The following DISP1 variants were observed in gnomAD, a reference collection of about 807,000 sequenced individuals.
DISP1 encodes dispatched RND transporter family member 1.
DISP1 carries 30 observed loss-of-function variants against 37.3 expected under a neutral mutation model. The ratio of observed to expected loss-of-function variants is 0.80; its 90% CI spans 0.60 to 1.09. The LOEUF (loss-of-function observed/expected upper bound fraction) is 1.09. Ranked by LOEUF, DISP1 falls within the 50% of genes least tolerant of loss-of-function variation. The pLI is 0.00. For missense variants in DISP1, 1,598 were observed against 1,879.5 expected (o/e 0.85, Z 2.77); for synonymous variants, 634 against 690.2 (o/e 0.92, Z 1.28).
At chr1:222,889,874 A>T (rs1285752315) in intron 1 of DISP1, among the ~76,000 whole-genome samples, 1 of 152,158 alleles carries the variant, frequency 6.6e-6, no homozygotes, top group Non-Finnish European at 1.5e-5. Flanking sequence ...TATGAATTTA[A>T]ATCATTTTGA....
At chr1:222,823,700 A>C (rs1028796706) in intron 1 of DISP1, among the ~76,000 whole-genome samples, 9 of 152,190 alleles carry the variant, frequency 5.9e-5, no homozygotes, top group Admixed American at 2.6e-4. Context: ...AAAAGCAAAA[A>C]AGTATATGTG....
At chr1:222,818,674 G>A (rs1167586270) in intron 1 of DISP1, among the ~76,000 whole-genome samples, 1 of 152,158 alleles carries the variant, frequency 6.6e-6, no homozygotes, top group Admixed American at 6.5e-5. Context: ...TCTTCTTTGG[G>A]AAACCTCAGG....
chr1:222,836,677 A>G (rs1372642509), intron 1 of DISP1, among the ~76,000 whole-genome samples: 1 of 151,982 alleles, frequency 6.6e-6, no homozygotes, highest in African/African-American at 2.4e-5. Context: ...GTAATAAAAC[A>G]AATAGTATTA....
At chr1:222,820,213 G>A (rs188157463) in intron 1 of DISP1, among the ~76,000 whole-genome samples, 20 of 151,902 alleles carry the variant, frequency 1.3e-4, no homozygotes, top group African/African-American at 4.1e-4. Flanking sequence ...TGATTGTTAC[G>A]AGAATGGAGG....
At chr1:222,947,187 T>C (rs1196915631) in intron 3 of DISP1, among the ~76,000 whole-genome samples, 1 of 152,182 alleles carries the variant, frequency 6.6e-6, no homozygotes, top group African/African-American at 2.4e-5. Context: ...TGCCTGCCCC[T>C]GGAAACCACT....
At chr1:222,846,415 C>T (rs377084905) in intron 1 of DISP1, among the ~76,000 whole-genome samples, 2 of 152,012 alleles carry the variant, frequency 1.3e-5, no homozygotes, top group Admixed American at 6.6e-5. Flanking sequence ...CGCTTGAACC[C>T]GGGAGGCAGA....
chr1:222,855,836 T>C (rs542104397), intron 1 of DISP1, among the ~76,000 whole-genome samples: 7 of 151,612 alleles, frequency 4.6e-5, no homozygotes, highest in Non-Finnish European at 8.8e-5. Flanking sequence ...TTTGAATGCT[T>C]CCTATCTAAT....
intron 1 of DISP1, among the ~76,000 whole-genome samples, chr1:222,849,931 C>G (rs957348012): frequency 6.6e-6 from 1 of 151,934 alleles, no homozygotes. Flanking sequence ...TCTAGAGATG[C>G]CTTTTAGAGT....
chr1:222,995,107 A>G lies in DISP1; in HGVS notation c.987+125A>G. On this transcript the variant is annotated intron_variant, in intron 8 of 8. Transcript: ENST00000675850. ...TTCAGAGGCTTACCTACTGAGGAGT[A>G]AACTCCAGCAGGCCAGCTTTGCATT... 4.0e-6 allele frequency: 3 copies of G among 758,672 alleles called. No homozygotes were observed. The South Asian group carries it at 4.4e-5, about 11-fold the overall frequency. The allele number at this position is 758,672 out of a possible 1,614,324, so 47.0% of individuals were successfully genotyped here.
chr1:223,001,144 A>G (rs1403910054), intron 8 of DISP1, among the ~76,000 whole-genome samples: 1 of 152,142 alleles, frequency 6.6e-6, no homozygotes, highest in African/African-American at 2.4e-5. Flanking sequence ...ACAATTTTTC[A>G]ATTTTTTATA....
intron 1 of DISP1, among the ~76,000 whole-genome samples, chr1:222,857,705 C>T (rs778822923): frequency 6.6e-6 from 1 of 152,056 alleles, no homozygotes; most frequent in Admixed American, 6.6e-5. Flanking sequence ...GAATAAAATA[C>T]CTAGGAATAC....
At chr1:222,900,155 G>T (rs1335084440) in intron 1 of DISP1, among the ~76,000 whole-genome samples, 1 of 152,134 alleles carries the variant, frequency 6.6e-6, no homozygotes, top group African/African-American at 2.4e-5. Context: ...CAGTAGAATT[G>T]AGATTGAATA....
At chr1:222,977,342 C>CTTTTTTT (rs397982983) in intron 3 of DISP1, among the ~76,000 whole-genome samples, 1 of 113,906 alleles carries the variant, frequency 8.8e-6, no homozygotes. Flanking sequence ...TCAGCATATT[C>CTTTTTTT]TTTTTTTTTT....
intron 4 of DISP1, among the ~76,000 whole-genome samples, chr1:222,984,954 T>C (rs1678164187): frequency 6.6e-6 from 1 of 152,222 alleles, no homozygotes; most frequent in Admixed American, 6.5e-5. Context: ...TCATGTAGCA[T>C]GTATTAGAAT....
intron 3 of DISP1, among the ~76,000 whole-genome samples, chr1:222,957,379 A>G (rs1235376136): frequency 6.6e-6 from 1 of 152,138 alleles, no homozygotes; most frequent in South Asian, 2.1e-4. Context: ...ACTTGAGGTC[A>G]GGAGTTCAAG....
intron 1 of DISP1, among the ~76,000 whole-genome samples, chr1:222,816,668 TAC>T (rs1289421803): frequency 1.3e-5 from 2 of 152,210 alleles, no homozygotes; most frequent in Non-Finnish European, 2.9e-5. Context: ...TTGAGTGAAA[TAC>T]ACAGTTATAA....
chr1:222,880,388 G>T (rs988841239), intron 1 of DISP1, among the ~76,000 whole-genome samples: 9 of 152,068 alleles, frequency 5.9e-5, no homozygotes, highest in Non-Finnish European at 1.2e-4. Flanking sequence ...CAGTTTGCAT[G>T]TACTACTTTT....
intron 1 of DISP1, among the ~76,000 whole-genome samples, chr1:222,889,654 A>G (rs888389711): frequency 7.9e-5 from 12 of 152,094 alleles, no homozygotes; most frequent in Admixed American, 2.6e-4. Flanking sequence ...GAAACAGGAA[A>G]TGCCTGTTAG....
chr1:222,952,465 G>T (rs549687838), intron 3 of DISP1, among the ~76,000 whole-genome samples: 17 of 151,970 alleles, frequency 1.1e-4, no homozygotes, highest in South Asian at 1.0e-3. Context: ...ATACTTTTTT[G>T]TTGTTGTTGT....
Sources: gnomAD v4.1 joint callset for allele counts (sites outside exome capture counted in the v4.1 genomes callset) on GRCh38, gnomAD v4.1.1 for gene constraint, MANE v1.5 for transcripts, NCBI Gene and HGNC (gene_info 2026-07-23, HGNC 2026-07-21) for gene names.